The following MTOR variants were observed in gnomAD, a reference collection of about 807,000 sequenced individuals.
MTOR encodes the protein mechanistic target of rapamycin kinase.
MTOR carries 70 observed loss-of-function variants against 319.8 expected under a neutral mutation model. That is an observed-to-expected ratio of 0.22 (90% CI 0.18 to 0.27). The LOEUF (loss-of-function observed/expected upper bound fraction) is 0.27. MTOR is among the 10% of genes least tolerant of loss of function. MTOR has a pLI of 1.00. For missense variants in MTOR, 1,890 were observed against 3,274.4 expected (o/e 0.58, Z 10.32); for synonymous variants, 1,183 against 1,211.4 (o/e 0.98, Z 0.49).
At chr1:11,260,205 T>C (rs540576536) in intron 1 of MTOR, among the ~76,000 whole-genome samples, 20 of 152,208 alleles carry the variant, frequency 1.3e-4, no homozygotes, top group African/African-American at 4.3e-4. Context: ...TTTCCTCAAG[T>C]TCAGTCTAAA....
intron 34 of MTOR, chr1:11,144,004 T>C (rs896568823): frequency 6.6e-6 from 1 of 152,122 alleles, no homozygotes; most frequent in African/African-American, 2.4e-5. Flanking sequence ...ATGAAAACAC[T>C]GATGGAGGAC....
At chr1:11,258,164 G>A (rs1041536130) in intron 3 of MTOR, among the ~76,000 whole-genome samples, 3 of 151,252 alleles carry the variant, frequency 2.0e-5, no homozygotes, top group East Asian at 1.9e-4. Flanking sequence ...TTTTCCATTC[G>A]TGAGCCCCAC....
At position 11,232,425 on chromosome 1, in the gene MTOR, G is replaced by A. The variant is rs757825120; in HGVS notation, c.2514+11C>T. 2.5e-6 allele frequency: 4 copies of A among 1,608,472 alleles called. No individual in the cohort carries two copies. The Admixed American group carries it at 6.7e-5, about 27-fold the overall frequency. On this transcript the variant is annotated intron_variant, in intron 16 of 57. Transcript: ENST00000361445. ...GTCTGTCTTGCTCAATCAGGAAGCA[G>A]TAATACTCACCTGCCTTTTGGCCAA...
chr1:11,244,296 T>TTAAA (rs1553128060), intron 8 of MTOR, among the ~76,000 whole-genome samples: 1 of 88,952 alleles, frequency 1.1e-5, no homozygotes, highest in Non-Finnish European at 2.1e-5. Context: ...ACATCTCATT[T>TTAAA]AAAAAAAAAA....
At chr1:11,254,809 G>T (rs1482254982) in intron 5 of MTOR, among the ~76,000 whole-genome samples, 1 of 150,418 alleles carries the variant, frequency 6.6e-6, no homozygotes, top group Admixed American at 6.7e-5. Context: ...CTGTTGTCAA[G>T]TCTGGAGTGC....
At chr1:11,250,169 G>C (rs1481411988) in intron 6 of MTOR, among the ~76,000 whole-genome samples, 2 of 136,462 alleles carry the variant, frequency 1.5e-5, no homozygotes, top group Admixed American at 7.2e-5. Flanking sequence ...CTGGCCGGGC[G>C]GGGGGCTGAC....
chr1:11,227,769 C>A (rs562618321), intron 19 of MTOR, among the ~76,000 whole-genome samples: 18 of 152,148 alleles, frequency 1.2e-4, no homozygotes, highest in African/African-American at 4.3e-4. Context: ...ACTTTGCAAC[C>A]ACCAGTGTGA....
In MTOR at chr1:11,212,517, T is replaced by G. The variant is rs748539662; in HGVS notation, c.3399-43A>C. On this transcript the variant is annotated intron_variant, in intron 22 of 57. Transcript: ENST00000361445. The surrounding 1 kb of genome is among the most constrained non-coding windows in gnomAD (Gnocchi z 4.1). ...ATACAGTAACTGCTAACATACAATC[T>G]CCAAGGAAGAGACGTGACTGAGGGT... 1 of 1,591,218 alleles carries G rather than the reference T, an allele frequency of 6.3e-7. No homozygotes were observed. The highest frequency in any genetic ancestry group is 1.3e-5 in the African/African-American group (1 of 74,232).
chr1:11,150,226 C>T lies in MTOR; in HGVS notation c.4470G>A (p.Trp1490Ter). ...RMRCLEALGEWGQLHQQCCEK... is the reference protein window; with the variant it reads ...RMRCLEALGE ...CACAGCACTGCTGGTGGAGTTGACC[C>T]CTGAAGAAAATGAATTATATAGTCA... Residue 1490 changes from tryptophan to a stop codon, truncating the protein, a stop_gained and splice_region_variant, in exon 31 of 58, where the codon TGG becomes TGA. Coordinates refer to ENST00000361445, the MANE Select transcript of MTOR (RefSeq NM_004958.4). LOFTEE classifies it high-confidence loss of function. The T allele has an allele frequency of 1.2e-6, 2 of 1,612,784 alleles. No homozygotes were observed. The highest frequency in any genetic ancestry group is 1.7e-6 in the Non-Finnish European group (2 of 1,179,362).
intron 28 of MTOR, chr1:11,194,933 G>GGT: frequency 6.2e-7 from 1 of 1,614,140 alleles, no homozygotes; most frequent in East Asian, 2.2e-5. Flanking sequence ...ATAAGCACCT[G>GGT]GATGGCATCA....
In MTOR at chr1:11,109,804, T is replaced by A; in HGVS notation, c.7367-75A>T. The stretch of plus-strand genomic sequence containing the variant: ...CTGTTGGTGTTAGCATCTAATTCTC[T>A]ACGCACTCTATTCCTTTAACGCCTG... On this transcript the variant is annotated intron_variant, in intron 54 of 57. Coordinates refer to ENST00000361445, the MANE Select transcript of MTOR (RefSeq NM_004958.4). This position sits in a 1 kb window ranked among gnomAD's most constrained non-coding sequence, Gnocchi z 4.0. The A allele has an allele frequency of 2.3e-6, 3 of 1,300,794 alleles. No homozygotes were observed. Among genetic ancestry groups the A allele is most frequent in the Non-Finnish European group, 3.3e-6 (3 of 897,394 alleles). The allele number at this position is 1,300,794 out of a possible 1,614,324, so 80.6% of individuals were successfully genotyped here. A position where few individuals can be genotyped will look rare whatever the true frequency, so the allele number is the denominator to read the frequency against.
chr1:11,195,947 C>T (rs1201611691), intron 28 of MTOR: 1 of 152,190 alleles, frequency 6.6e-6, no homozygotes, highest in Admixed American at 6.5e-5. Flanking sequence ...TTCAACGTTT[C>T]TTTTCCTTCT....
chr1:11,150,217 G>C lies in MTOR; in HGVS notation c.4479C>G (p.Leu1493=). ...TCCACTTTTCACAGCACTGCTGGTG[G>C]AGTTGACCCCTGAAGAAAATGAATT... ...CLEALGEWGQ[L]HQQCCEKWTL... Residue 1493 remains leucine (L), a synonymous_variant, in exon 31 of 58, where the codon CTC becomes CTG. Coordinates refer to ENST00000361445, the MANE Select transcript of MTOR (RefSeq NM_004958.4). 2 of 1,613,768 alleles carry C rather than the reference G, an allele frequency of 1.2e-6. No homozygotes were observed. The highest frequency in any genetic ancestry group is 1.7e-6 in the Non-Finnish European group (2 of 1,179,880).
At chr1:11,241,165 C>T (rs534009359) in intron 10 of MTOR, among the ~76,000 whole-genome samples, 1 of 151,670 alleles carries the variant, frequency 6.6e-6, no homozygotes, top group South Asian at 2.1e-4. Flanking sequence ...ACTAAAAATA[C>T]AAAGAATTAG....
chr1:11,167,884 A>G (rs1324650835), intron 28 of MTOR, among the ~76,000 whole-genome samples: 2 of 152,094 alleles, frequency 1.3e-5, no homozygotes, highest in Non-Finnish European at 2.9e-5. Context: ...CCTGGCTAAC[A>G]AGGTGAAACC....
chr1:11,221,080 T>C (rs1646646005), intron 19 of MTOR, among the ~76,000 whole-genome samples: 1 of 152,058 alleles, frequency 6.6e-6, no homozygotes, highest in African/African-American at 2.4e-5. Flanking sequence ...CTGCAACCTC[T>C]GTCTCCCGGG....
At chr1:11,134,683 G>A (rs1413398004) in intron 36 of MTOR, among the ~76,000 whole-genome samples, 1 of 152,164 alleles carries the variant, frequency 6.6e-6, no homozygotes, top group Admixed American at 6.5e-5. Context: ...TCAAGTCTTG[G>A]CTCTCCTTTG....
chr1:11,196,612 T>C lies in MTOR; in HGVS notation c.4253+2646A>G, dbSNP rs1339651500. ...GCTCACGCCTGTAATCCCAGCACTT[T>C]AGGAGGCCGAGGCGGGTGGATCACG... On this transcript the variant is annotated intron_variant, in intron 28 of 57. Coordinates refer to ENST00000361445, the MANE Select transcript of MTOR (RefSeq NM_004958.4). Among the ~76,000 whole-genome samples, 6 of 152,128 alleles carry C rather than the reference T, an allele frequency of 3.9e-5. No individual in the cohort carries two copies. In the South Asian group the frequency reaches 6.2e-4, roughly 16 times the overall value.
intron 30 of MTOR, among the ~76,000 whole-genome samples, chr1:11,151,761 G>A (rs1186537958): frequency 1.3e-5 from 2 of 152,164 alleles, no homozygotes; most frequent in African/African-American, 2.4e-5. Context: ...ATCTCCAAAT[G>A]GTCCTTCCAA....
Sources: allele counts gnomAD v4.1 joint callset (sites outside exome capture counted in the v4.1 genomes callset), GRCh38; gene constraint gnomAD v4.1.1; non-coding constraint Gnocchi (gnomAD v3.1); transcripts MANE v1.5; gene names NCBI Gene and HGNC (gene_info 2026-07-23, HGNC 2026-07-21).